The following IL3RA variants were observed in gnomAD, a reference collection of about 807,000 sequenced individuals.
IL3RA encodes the protein interleukin 3 receptor subunit alpha, also known as interleukin-3 receptor subunit alpha.
IL3RA carries 73 observed loss-of-function variants against 52.3 expected under a neutral mutation model. The ratio of observed to expected loss-of-function variants is 1.40; its 90% CI spans 1.16 to 1.70. The LOEUF (loss-of-function observed/expected upper bound fraction) is 1.70. Ranked by LOEUF, IL3RA falls within the 40% of genes most tolerant of loss-of-function variation. The probability of loss-of-function intolerance (pLI) is 0.00; values close to 1 mark genes in which losing one functional copy is unlikely to be tolerated. For missense variants in IL3RA, 664 were observed against 504.4 expected, an observed-to-expected ratio of 1.32 and a Z score of -3.03; for synonymous variants, 260 against 194.0, an observed-to-expected ratio of 1.34 and a Z score of -2.83.
intron 6 of IL3RA, among the ~76,000 whole-genome samples, chrX:1,353,079 C>T (rs1199845635): frequency 6.6e-6 from 1 of 150,914 alleles, no homozygotes; most frequent in Admixed American, 6.6e-5. Flanking sequence ...CATCATTGGT[C>T]ATAGGACCCC....
intron 4 of IL3RA, among the ~76,000 whole-genome samples, chrX:1,349,401 C>T (rs1434011128): frequency 6.6e-6 from 1 of 151,840 alleles, no homozygotes; most frequent in Non-Finnish European, 1.5e-5. Context: ...AGGCTGGTCT[C>T]AAACTCCTGA....
intron 6 of IL3RA, among the ~76,000 whole-genome samples, chrX:1,353,382 C>G (rs1313620589): frequency 6.9e-6 from 1 of 145,100 alleles, no homozygotes; most frequent in Non-Finnish European, 1.5e-5. Context: ...TGGGTTTCAT[C>G]ATGGGTCATA....
chrX:1,352,124 A>G lies in IL3RA; in HGVS notation c.323A>G (p.Glu108Gly). The G allele has an allele frequency of 6.2e-7, 1 of 1,613,806 alleles. No homozygotes were observed. The highest frequency in any genetic ancestry group is 8.5e-7 in the Non-Finnish European group (1 of 1,179,818). The change falls in exon 5 of 12, where the codon GAG becomes GGG. Residue 108 changes from glutamate (E) to glycine (G), a missense_variant. Glu to Gly is a moderately conservative substitution (Grantham distance 98). Coordinates refer to ENST00000331035, the MANE Select transcript of IL3RA (RefSeq NM_002183.4). ...ENSGKPWAGA[E>G]NLTCWIHDVD... is the part of the protein sequence containing the mutation. ...GGTGGGAAGCCTTGGGCAGGTGCGGAGAATCTGACCTGCTGGATTCATGAC... is the reference window on the plus strand; with the variant it reads ...GGTGGGAAGCCTTGGGCAGGTGCGGGGAATCTGACCTGCTGGATTCATGAC...
intron 4 of IL3RA, 147 bp downstream of exon 4, chrX:1,348,692 T>TTTTC (rs1203359293): frequency 3.6e-6 from 1 of 278,194 alleles, no homozygotes; most frequent in Admixed American, 7.1e-5. Flanking sequence ...CTTTCTTTCT[T>TTTTC]TTTCTTTCTT....
rs139872291 is a variant in IL3RA at position 1,345,423 on chromosome X, T to A, written c.172T>A (p.Tyr58Asn). The change falls in exon 3 of 12, where the codon TAT (tyrosine) becomes AAT (asparagine). Residue 58 changes from tyrosine (Y) to asparagine (N), a missense_variant. Transcript: ENST00000331035. ...TATCGAGTGTGTTAAAGACGCCGAC[T>A]ATTCTATGCCGGTAAATCATACTCT... Reference protein sequence around the residue: ...TDIECVKDADYSMPAVNNSYC... With the variant: ...TDIECVKDADNSMPAVNNSYC... The A allele has an allele frequency of 4.4e-6, 7 of 1,591,192 alleles. No homozygotes were observed. The highest frequency in any genetic ancestry group is 1.4e-5 in the African/African-American group (1 of 74,030).
chrX:1,349,326 C>T (rs780822053), intron 4 of IL3RA, among the ~76,000 whole-genome samples: 17 of 151,780 alleles, frequency 1.1e-4, no homozygotes, highest in South Asian at 4.2e-4. Flanking sequence ...GGATTATAGG[C>T]GCCCACCGCC....
chrX:1,345,193 A>G, intron 2 of IL3RA, 123 bp from the exon 3 acceptor site: 2 of 606,768 alleles, frequency 3.3e-6, no homozygotes, highest in Non-Finnish European at 5.9e-6. Context: ...AATTAAATAA[A>G]AGAACTCCAC....
intron 4 of IL3RA, among the ~76,000 whole-genome samples, chrX:1,351,555 C>T (rs1217253614): frequency 5.9e-5 from 9 of 151,358 alleles, no homozygotes; most frequent in Non-Finnish European, 8.8e-5. Context: ...TCTCGAACTC[C>T]GGACCTCAGG....
chrX:1,352,185 G>A lies in IL3RA; in HGVS notation c.384G>A (p.Pro128=), dbSNP rs769399948. 46 of 1,613,542 alleles carry A rather than the reference G, an allele frequency of 2.9e-5. 1 individual carries two copies. The highest frequency in any genetic ancestry group is 2.5e-4 in the South Asian group (23 of 91,078). ...TGAGCTGCAGCTGGGCGGTAGGCCC[G>A]GGGGCCCCCGCGGACGTCCAGTACG... ...DFLSCSWAVG[P]GAPADVQYDL... is the part of the protein sequence containing the mutation. Residue 128 remains proline (P), a synonymous_variant, in exon 5 of 12, where the codon CCG becomes CCA. Coordinates refer to ENST00000331035, the MANE Select transcript of IL3RA (RefSeq NM_002183.4).
chrX:1,377,872 CAAAAAAAAAAAAAAGAA>C (rs2088893534), intron 9 of IL3RA, among the ~76,000 whole-genome samples: 1 of 111,934 alleles, frequency 8.9e-6, no homozygotes, highest in Non-Finnish European at 2.0e-5. Context: ...GACTCTGTCT[CAAAAAAAAAAAAAAGAA>C]AAAAGAAAAA....
chrX:1,349,325 G>A (rs1473668425), intron 4 of IL3RA, among the ~76,000 whole-genome samples: 1 of 151,706 alleles, frequency 6.6e-6, no homozygotes, highest in Non-Finnish European at 1.5e-5. Context: ...GGGATTATAG[G>A]CGCCCACCGC....
At chrX:1,345,270 A>T in intron 2 of IL3RA, 46 bp from the exon 3 acceptor site, 1 of 1,341,150 alleles carries the variant, frequency 7.5e-7, no homozygotes, top group Non-Finnish European at 1.0e-6. Context: ...ATGCCGTTTT[A>T]AGATTCTTAC....
chrX:1,377,336 G>C (rs1299545218), intron 9 of IL3RA, among the ~76,000 whole-genome samples: 1 of 152,064 alleles, frequency 6.6e-6, no homozygotes, highest in East Asian at 1.9e-4. Flanking sequence ...CACCTCGCAG[G>C]TTCAGGCCAT....
intron 2 of IL3RA, among the ~76,000 whole-genome samples, chrX:1,344,727 C>T (rs1346513089): frequency 5.3e-5 from 8 of 151,346 alleles, no homozygotes; most frequent in Non-Finnish European, 8.8e-5. Flanking sequence ...GAGCTGAGAT[C>T]GTGCCACTGC....
At position 1,349,022 on chromosome X, in the gene IL3RA, T is replaced by C. The variant is rs756408601; in HGVS notation, c.298+477T>C. ...TCCCTTCCCCTCCTCTCCCCTCTCCTTTCCTGACACGGTCTTGCTCTGTTG... is the reference window on the plus strand; with the variant it reads ...TCCCTTCCCCTCCTCTCCCCTCTCCCTTCCTGACACGGTCTTGCTCTGTTG... On this transcript the variant is annotated intron_variant, in intron 4 of 11. Transcript: ENST00000331035. Among the ~76,000 whole-genome samples the C allele has an allele frequency of 2.7e-3, 377 of 140,532 alleles. 1 individual carries two copies. Among genetic ancestry groups the C allele is most frequent in the African/African-American group, 9.3e-3 (363 of 39,192 alleles). The allele number at this position is 140,532 out of a possible 152,430, so 92.2% of individuals were successfully genotyped here.
intron 3 of IL3RA, 38 bp from the exon 4 acceptor site, chrX:1,348,393 G>A (rs776374560): frequency 6.8e-7 from 1 of 1,463,580 alleles, no homozygotes; most frequent in East Asian, 2.3e-5. Context: ...ATTAAGCATG[G>A]TCTGTCAGCA....
chrX:1,353,954 CA>C lies in IL3RA; in HGVS notation c.616+1449del, dbSNP rs1189979208. Among the ~76,000 whole-genome samples the C allele has an allele frequency of 5.5e-4, 39 of 71,022 alleles. 4 individuals carry two copies. The highest frequency in any genetic ancestry group is 2.3e-3 in the African/African-American group (37 of 16,158). The allele number at this position is 71,022 out of a possible 152,430, so 46.6% of individuals were successfully genotyped here. A position where few individuals can be genotyped will look rare whatever the true frequency, so the allele number is the denominator to read the frequency against. ...TCATGGGTCATGGGACCCCCCCCCC[CA>C]TCATGGGTCGTGGGACCCCCACCCC... On this transcript the variant is annotated intron_variant, in intron 6 of 11. Coordinates refer to ENST00000331035, the MANE Select transcript of IL3RA (RefSeq NM_002183.4).
Position 1,336,874 on chromosome X carries a change from A to G in IL3RA, c.-91A>G, listed in dbSNP as rs1342423313. 6 of 152,226 alleles carry G rather than the reference A, an allele frequency of 3.9e-5. No homozygotes were observed. The highest frequency in any genetic ancestry group is 2.6e-4 in the Admixed American group (4 of 15,256). The allele number at this position is 152,226 out of a possible 1,614,324, so 9.4% of individuals were successfully genotyped here. A position where few individuals can be genotyped will look rare whatever the true frequency, so the allele number is the denominator to read the frequency against. Reference sequence around the variant, plus strand: ...GATCAGGACACCCCAGATCTTCTCAACTGGAACCACGAAGGCTGTTTCTTC... The same window carrying G: ...GATCAGGACACCCCAGATCTTCTCAGCTGGAACCACGAAGGCTGTTTCTTC... On this transcript the variant is annotated 5_prime_UTR_variant, in exon 1 of 12. Coordinates refer to ENST00000331035, the MANE Select transcript of IL3RA (RefSeq NM_002183.4).
intron 10 of IL3RA, among the ~76,000 whole-genome samples, chrX:1,380,119 C>T (rs1474242303): frequency 1.3e-5 from 2 of 151,778 alleles, no homozygotes; most frequent in Non-Finnish European, 2.9e-5. Context: ...GTCTTGAACT[C>T]CTCACCTCAG....
Sources: gnomAD v4.1 joint callset for allele counts (sites outside exome capture counted in the v4.1 genomes callset) on GRCh38, gnomAD v4.1.1 for gene constraint, MANE v1.5 for transcripts, NCBI Gene and HGNC (gene_info 2026-07-23, HGNC 2026-07-21) for gene names.